Variants in MYO16 observed in about 807,000 individuals in gnomAD.
The protein encoded by MYO16 is myosin XVI, also known as unconventional myosin-XVI.
Under a neutral mutation model 205.3 loss-of-function variants are expected in MYO16, and 94 were observed. The observed-to-expected ratio is 0.46, with a 90% CI of 0.39 to 0.54. The LOEUF (loss-of-function observed/expected upper bound fraction) is 0.54, where lower values mean the gene tolerates loss of function less well. Ranked by LOEUF, MYO16 falls within the 20% of genes least tolerant of loss-of-function variation. The pLI, the probability that MYO16 is intolerant of heterozygous loss-of-function variation, is 0.00. For missense variants in MYO16, 2,315 were observed against 2,387.5 expected, an observed-to-expected ratio of 0.97 and a Z score of 0.63; for synonymous variants, 988 against 954.0, an observed-to-expected ratio of 1.04 and a Z score of -0.66.
At chr13:108,967,548 G>A (rs931315838) in intron 20 of MYO16, among the ~76,000 whole-genome samples, 1 of 152,272 alleles carries the variant, frequency 6.6e-6, no homozygotes, top group Non-Finnish European at 1.5e-5. Flanking sequence ...CCTGACTGCT[G>A]TGCAGTGCTT....
chr13:108,656,546 C>T lies in MYO16; in HGVS notation c.29-9340C>T, dbSNP rs577589817. ...CCATATTCCAAATGTCTGAGATCTT[C>T]GATATAAAGCATCTCCTAAATTGAA... On this transcript the variant is annotated intron_variant, in intron 1 of 34. Transcript: ENST00000457511. Among the ~76,000 whole-genome samples the T allele has an allele frequency of 8.6e-5, 13 of 152,046 alleles. No homozygotes were observed. In the South Asian group the frequency reaches 1.9e-3, roughly 22 times the overall value.
chr13:108,554,052 G>C, the MYO16 span, among the ~76,000 whole-genome samples: 2 of 152,262 alleles, frequency 1.3e-5, no homozygotes, highest in African/African-American at 4.8e-5. Flanking sequence ...TGTGTTCCTT[G>C]ATGTGCCATA....
chr13:108,624,784 A>AGTGT (rs6145237), upstream of MYO16, among the ~76,000 whole-genome samples: 44 of 90,854 alleles, frequency 4.8e-4, no homozygotes, highest in African/African-American at 1.3e-3. Flanking sequence ...ATATAGCCTG[A>AGTGT]GTGTGTGTGT....
intron 23 of MYO16, among the ~76,000 whole-genome samples, chr13:109,026,007 A>C (rs1233172465): frequency 6.6e-6 from 1 of 152,166 alleles, no homozygotes; most frequent in Non-Finnish European, 1.5e-5. Context: ...GCATGAAGTG[A>C]ATCTCTTTGG....
upstream of MYO16, among the ~76,000 whole-genome samples, chr13:108,628,463 A>T (rs916604022): frequency 2.0e-5 from 3 of 152,224 alleles, no homozygotes; most frequent in African/African-American, 7.2e-5. Context: ...AATAAAGATT[A>T]GGAATTATAT....
chr13:109,174,707 C>T (rs917896207), intron 33 of MYO16, among the ~76,000 whole-genome samples: 3 of 151,652 alleles, frequency 2.0e-5, no homozygotes, highest in East Asian at 1.9e-4. Context: ...AAATTCAGTG[C>T]CATACCCCCC....
At chr13:108,723,412 A>G (rs997716610) in intron 3 of MYO16, among the ~76,000 whole-genome samples, 1 of 152,118 alleles carries the variant, frequency 6.6e-6, no homozygotes, top group Non-Finnish European at 1.5e-5. Context: ...TTAGTATCAT[A>G]CTAAGATTTT....
chr13:109,054,967 T>A, intron 25 of MYO16, 79 bp from the exon 26 acceptor site: 2 of 781,944 alleles, frequency 2.6e-6, no homozygotes, highest in African/African-American at 1.9e-5. Flanking sequence ...TTCCCCTTCC[T>A]CCCTCCTTTT....
At chr13:108,631,936 G>C in intron 1 of MYO16, among the ~76,000 whole-genome samples, 1 of 152,018 alleles carries the variant, frequency 6.6e-6, no homozygotes, top group East Asian at 1.9e-4. Context: ...AATTTTGCTG[G>C]GTGTGGTGGT....
chr13:108,796,565 C>T (rs1419370352), intron 6 of MYO16, among the ~76,000 whole-genome samples: 3 of 152,140 alleles, frequency 2.0e-5, no homozygotes, highest in Non-Finnish European at 4.4e-5. Flanking sequence ...GGCACATGTA[C>T]ACCATGGAAT....
In MYO16 at chr13:109,127,316, C is replaced by A; in HGVS notation, c.3817C>A (p.Pro1273Thr). The A allele has an allele frequency of 6.2e-7, 1 of 1,603,894 alleles. No individual in the cohort carries two copies. The highest frequency in any genetic ancestry group is 1.1e-5 in the South Asian group (1 of 90,358). Residue 1273 changes from proline (P) to threonine (T), a missense_variant, in exon 31 of 35, where the codon CCC becomes ACC. Pro to Thr is a conservative substitution (Grantham distance 38). Around this residue, in one of 3 missense-constraint regions of MYO16, gnomAD observed 1,097 missense variants for 1,092.0 expected, o/e 1.00. Coordinates refer to ENST00000457511, the MANE Select transcript of MYO16 (RefSeq NM_001198950.3). The surrounding 1 kb of genome is among the most constrained non-coding windows in gnomAD (Gnocchi z 4.2). The part of the protein sequence containing the change: ...DDKSGPRHFH[P>T]SSMSVCAAVD... ...CAAGAGTGGACCCAGGCATTTCCAC[C>A]CCAGCTCCATGTCAGTCTGCGCGGC...
Position 108,898,009 on chromosome 13 carries a change from C to G in MYO16, c.1660-7C>G, listed in dbSNP as rs764702674. The G allele has an allele frequency of 1.9e-6, 3 of 1,596,648 alleles. No individual in the cohort carries two copies. The highest frequency in any genetic ancestry group is 2.6e-6 in the Non-Finnish European group (3 of 1,164,248). ...GCAGTTCAGTAAAATGTTCTCCTCT[C>G]CCACAGGTCGTGTGCATCTTAGAAG... On this transcript the variant is annotated splice_region_variant and splice_polypyrimidine_tract_variant and intron_variant, in intron 14 of 34. Transcript: ENST00000457511.
At chr13:109,126,297 G>A (rs925051820) in intron 30 of MYO16, among the ~76,000 whole-genome samples, 1 of 152,196 alleles carries the variant, frequency 6.6e-6, no homozygotes, top group African/African-American at 2.4e-5. Flanking sequence ...TCCACTGAGT[G>A]CCATGCTTTC....
At chr13:108,689,932 G>A (rs1169141032) in intron 2 of MYO16, among the ~76,000 whole-genome samples, 2 of 152,096 alleles carry the variant, frequency 1.3e-5, no homozygotes. Flanking sequence ...CTTGCTTTTT[G>A]TATAATATAA....
rs144303689 is a variant in MYO16, at chr13:108,944,597, A to G, written c.1926-13091A>G. ...TGAAGTATTTGATACCTTAAATGTA[A>G]TTATTGAAGTTAAGGCATTAAAAGC... On this transcript the variant is annotated intron_variant, in intron 16 of 34. Transcript: ENST00000457511. Among the ~76,000 whole-genome samples the G allele has an allele frequency of 2.6e-3, 399 of 152,322 alleles. 3 individuals are homozygous for G. Among genetic ancestry groups the G allele is most frequent in the African/African-American group, 9.0e-3 (375 of 41,574 alleles).
intron 4 of MYO16, among the ~76,000 whole-genome samples, chr13:108,730,799 C>A (rs1436604044): frequency 6.6e-6 from 1 of 152,168 alleles, no homozygotes; most frequent in Admixed American, 6.5e-5. Flanking sequence ...AATACCCTCA[C>A]ATCATTGTCA....
rs1034042887 is a variant in MYO16, at chr13:109,141,443, T to C, written c.5164+67T>C. On this transcript the variant is annotated intron_variant, in intron 32 of 34. Transcript: ENST00000457511. This position sits in a 1 kb window ranked among gnomAD's most constrained non-coding sequence, Gnocchi z 4.1. The stretch of plus-strand genomic sequence containing the variant: ...CTGTGCTTGCGTGCACCTGTGTACA[T>C]CCGTGTCTGCGCAGATGTGAAATAG... 1 of 1,083,606 alleles carries C rather than the reference T, an allele frequency of 9.2e-7. No individual in the cohort carries two copies. Among genetic ancestry groups the C allele is most frequent in the Admixed American group, 3.7e-5 (1 of 27,094 alleles). 67.1% of individuals were successfully genotyped at this position (1,083,606 alleles called of 1,614,324 possible). A position where few individuals can be genotyped will look rare whatever the true frequency, so the allele number is the denominator to read the frequency against.
chr13:108,903,555 A>G (rs998406853), intron 15 of MYO16, among the ~76,000 whole-genome samples: 2 of 152,196 alleles, frequency 1.3e-5, no homozygotes, highest in Non-Finnish European at 2.9e-5. Flanking sequence ...ATCCTGCAAC[A>G]AAGAGTAACA....
At chr13:108,978,550 A>G (rs1249731434) in intron 20 of MYO16, among the ~76,000 whole-genome samples, 2 of 151,802 alleles carry the variant, frequency 1.3e-5, no homozygotes, top group African/African-American at 4.8e-5. Flanking sequence ...TTGATGTTGA[A>G]TCATTCTTCA....
Sources: allele counts gnomAD v4.1 joint callset (sites outside exome capture counted in the v4.1 genomes callset), GRCh38; gene constraint gnomAD v4.1.1; regional missense constraint gnomAD v4.1.1; non-coding constraint Gnocchi (gnomAD v3.1); transcripts MANE v1.5; gene names NCBI Gene and HGNC (gene_info 2026-07-23, HGNC 2026-07-21).